The following RYR1 variants were observed in gnomAD, a reference collection of about 807,000 sequenced individuals.
RYR1 encodes central core disease of muscle.
Under a neutral mutation model 583.5 loss-of-function variants are expected in RYR1, and 342 were observed. The ratio of observed to expected loss-of-function variants is 0.59; its 90% CI spans 0.54 to 0.64. The LOEUF is 0.64. Ranked by LOEUF, RYR1 falls within the 30% of genes least tolerant of loss-of-function variation. RYR1 has a pLI of 0.00. For missense variants in RYR1, 6,032 were observed against 6,917.2 expected, an observed-to-expected ratio of 0.87 and a Z score of 4.54; for synonymous variants, 2,791 against 2,822.5, an observed-to-expected ratio of 0.99 and a Z score of 0.35.
intron 18 of RYR1, among the ~76,000 whole-genome samples, 171 bp downstream of exon 18, chr19:38,458,463 G>A (rs139986946): frequency 3.0e-4 from 45 of 152,090 alleles, no homozygotes; most frequent in African/African-American, 1.0e-3. Context: ...CTAGATTCCC[G>A]GCTCTGACTT....
At chr19:38,537,103 C>G (rs550133547) in intron 83 of RYR1, 132 of 449,914 alleles carry the variant, frequency 2.9e-4, no homozygotes, top group Non-Finnish European at 4.3e-4. Context: ...TTCGCAGTCC[C>G]GGTGTGGAGT....
rs956750749 is a variant in RYR1, at chr19:38,473,638, G to A, written c.4027G>A (p.Glu1343Lys). Residue 1343 changes from glutamate (E) to lysine (K), a missense_variant, in exon 28 of 106, where the codon GAG (glutamate) becomes AAG (lysine). By Grantham distance (56) the Glu-to-Lys change is moderately conservative. Coordinates refer to ENST00000359596, the MANE Select transcript of RYR1 (RefSeq NM_000540.3). ...NLRRSAGGWS[E>K]AENGKEGTAK... ...GCGCCGCTCAGCTGGGGGCTGGAGCGAGGCAGAGAACGGCAAAGAAGGGAC... is the reference window on the plus strand; with the variant it reads ...GCGCCGCTCAGCTGGGGGCTGGAGCAAGGCAGAGAACGGCAAAGAAGGGAC... 32 of 1,560,202 alleles carry A rather than the reference G, an allele frequency of 2.1e-5. No individual in the cohort carries two copies. Among genetic ancestry groups the A allele is most frequent in the Non-Finnish European group, 2.6e-5 (30 of 1,152,252 alleles).
chr19:38,565,380 G>GGGCGGC lies in RYR1; in HGVS notation c.13052_13057dup (p.Ala4351_Ala4352dup), dbSNP rs1271736045. 1 of 1,347,694 alleles carries GGGCGGC rather than the reference G, an allele frequency of 7.4e-7. No homozygotes were observed. Among genetic ancestry groups the GGGCGGC allele is most frequent in the Non-Finnish European group, 9.4e-7 (1 of 1,059,004 alleles). 83.5% of individuals were successfully genotyped at this position (1,347,694 alleles called of 1,614,324 possible). On this transcript the variant is annotated inframe_insertion, in exon 91 of 106. Transcript: ENST00000359596. This position sits in a 1 kb window ranked among gnomAD's most constrained non-coding sequence, Gnocchi z 4.7. ...ACGCGCGCTGGGGCCGCTGGCGCGG[G>GGGCGGC]GGCGGCGGCGGGCGCGCTGGGCCTG... is the stretch of plus-strand genomic sequence containing the variant.
At chr19:38,551,027 T>TC in intron 89 of RYR1, among the ~76,000 whole-genome samples, 4 of 41,016 alleles carry the variant, frequency 9.8e-5, no homozygotes, top group African/African-American at 6.0e-4. Context: ...ATTCACGGCT[T>TC]TTTTTTTTTT....
intron 49 of RYR1, 112 bp downstream of exon 49, chr19:38,503,082 C>CCCTA: frequency 2.0e-6 from 2 of 1,005,388 alleles, no homozygotes; most frequent in Non-Finnish European, 3.1e-6. Flanking sequence ...AATAAACCTG[C>CCCTA]ACTAGTTAGG....
chr19:38,547,372 CA>C (rs1279229125), intron 88 of RYR1, among the ~76,000 whole-genome samples: 1 of 151,832 alleles, frequency 6.6e-6, no homozygotes, highest in African/African-American at 2.4e-5. Flanking sequence ...TTAAAAATTA[CA>C]AAAATAAACT....
rs554595549 is a variant in RYR1, at chr19:38,478,045, C to A, written c.4454+175C>A. Among the ~76,000 whole-genome samples the A allele has an allele frequency of 1.5e-4, 23 of 151,862 alleles. No individual in the cohort carries two copies. In the South Asian group the frequency reaches 4.2e-3, roughly 27 times the overall value. ...GGAAGCTTCCCTCCTCCTCTTTTTC[C>A]TCCTCTCTTCCTGCCCTGGTATTTT... is the stretch of plus-strand genomic sequence containing the variant. On this transcript the variant is annotated intron_variant, in intron 30 of 105. Coordinates refer to ENST00000359596, the MANE Select transcript of RYR1 (RefSeq NM_000540.3).
At chr19:38,474,669 G>A (rs1475998719) in intron 28 of RYR1, among the ~76,000 whole-genome samples, 2 of 148,098 alleles carry the variant, frequency 1.4e-5, no homozygotes, top group African/African-American at 5.1e-5. Flanking sequence ...CCGCCTCCTG[G>A]GTTCAAGCAA....
At chr19:38,586,248 C>A in intron 104 of RYR1, 57 bp downstream of exon 104, 2 of 1,474,916 alleles carry the variant, frequency 1.4e-6, no homozygotes, top group Non-Finnish European at 1.9e-6. Context: ...CAATAGCCAG[C>A]AGTGGGGTAC....
chr19:38,494,541 T>C lies in RYR1; in HGVS notation c.6464T>C (p.Leu2155Pro). ...TCCTCCGTGGAAGACACCATGAGCCTGCTCGAGTGCCTCGGCCAGATCCGC... is the reference window on the plus strand; with the variant it reads ...TCCTCCGTGGAAGACACCATGAGCCCGCTCGAGTGCCTCGGCCAGATCCGC... Reference protein sequence around the residue: ...SPSSVEDTMSLLECLGQIRSL... With the variant: ...SPSSVEDTMSPLECLGQIRSL... The change falls in exon 39 of 106, where the codon CTG (leucine) becomes CCG (proline). Residue 2155 changes from leucine (L) to proline (P), a missense_variant. Around this residue, in one of 11 missense-constraint regions of RYR1, gnomAD observed 2,627 missense variants for 2,961.3 expected, o/e 0.89. Transcript: ENST00000359596. The C allele has an allele frequency of 6.2e-7, 1 of 1,614,080 alleles. No homozygotes were observed. Among genetic ancestry groups the C allele is most frequent in the South Asian group, 1.1e-5 (1 of 91,088 alleles).
At position 38,440,778 on chromosome 19, in the gene RYR1, G is replaced by A. The variant is rs143481004; in HGVS notation, c.79G>A (p.Val27Met). The change falls in exon 2 of 106, where the codon GTG becomes ATG. Residue 27 changes from valine (V) to methionine (M), a missense_variant. By Grantham distance (21) the Val-to-Met change is conservative. This residue lies in a region of RYR1 where 71 missense variants were observed against 75.3 expected (regional missense o/e 0.94). Transcript: ENST00000359596. The part of the protein sequence containing the change: ...DEVVLQCSAT[V>M]LKEQLKLCLA... ...GGTGGTCCTGCAGTGCAGCGCTACC[G>A]TGCTCAAGGAGCAGCTCAAGCTCTG... 5.9e-5 allele frequency: 95 copies of A among 1,609,084 alleles called. No individual in the cohort carries two copies. The African/African-American group carries it at 1.0e-3, about 17-fold the overall frequency.
intron 83 of RYR1, 139 bp from the exon 84 acceptor site, chr19:38,537,741 C>G (rs1011219103): frequency 8.4e-6 from 7 of 836,886 alleles, no homozygotes; most frequent in African/African-American, 1.7e-5. Context: ...CTCACAGTGT[C>G]TTTGGAGTGG....
Position 38,526,218 on chromosome 19 carries a change from G to A in RYR1, c.10626+716G>A, listed in dbSNP as rs562297590. 6.6e-5 allele frequency among the ~76,000 whole-genome samples: 10 copies of A among 151,608 alleles called. No individual in the cohort carries two copies. The East Asian group carries it at 9.8e-4, about 15-fold the overall frequency. On this transcript the variant is annotated intron_variant, in intron 71 of 105. Coordinates refer to ENST00000359596, the MANE Select transcript of RYR1 (RefSeq NM_000540.3). ...TGCTGGGATATCAAGGAGGCCTCCCGGGACCCCACTTACCCCTTGTGTGGG... is the reference window on the plus strand; with the variant it reads ...TGCTGGGATATCAAGGAGGCCTCCCAGGACCCCACTTACCCCTTGTGTGGG...
chr19:38,477,570 G>A (rs1600742885), intron 29 of RYR1, 140 bp from the exon 30 acceptor site: 1 of 946,848 alleles, frequency 1.1e-6, no homozygotes, highest in South Asian at 1.4e-5. Flanking sequence ...ACATAACCAG[G>A]GGGTGGGGGA....
At position 38,587,535 on chromosome 19, in the gene RYR1, G is replaced by C. The variant is rs1298427889; in HGVS notation, c.*115G>C. 3 of 829,588 alleles carry C rather than the reference G, an allele frequency of 3.6e-6. No individual in the cohort carries two copies. Among genetic ancestry groups the C allele is most frequent in the Non-Finnish European group, 6.2e-6 (3 of 486,004 alleles). The allele number at this position is 829,588 out of a possible 1,614,324, so 51.4% of individuals were successfully genotyped here. On this transcript the variant is annotated 3_prime_UTR_variant, in exon 106 of 106. Coordinates refer to ENST00000359596, the MANE Select transcript of RYR1 (RefSeq NM_000540.3). Reference sequence around the variant, plus strand: ...CTGGGGGAGAGGTGACCTAGTACTGGAAAATAAATCTGTGCTACGCCCCCC... The same window carrying C: ...CTGGGGGAGAGGTGACCTAGTACTGCAAAATAAATCTGTGCTACGCCCCCC...
chr19:38,481,901 A>G (rs1194128314), intron 31 of RYR1, among the ~76,000 whole-genome samples: 1 of 152,160 alleles, frequency 6.6e-6, no homozygotes, highest in Non-Finnish European at 1.5e-5. Context: ...CAGCCTGACC[A>G]ACATGGTGAA....
At chr19:38,460,613 T>A in intron 20 of RYR1, 22 bp downstream of exon 20, 1 of 1,600,714 alleles carries the variant, frequency 6.2e-7, no homozygotes, top group Admixed American at 1.7e-5. Flanking sequence ...CCTGCAAAGG[T>A]TTTCTGGCGA....
intron 47 of RYR1, among the ~76,000 whole-genome samples, chr19:38,501,883 G>A (rs1970137543): frequency 6.6e-6 from 1 of 152,200 alleles, no homozygotes; most frequent in South Asian, 2.1e-4. Flanking sequence ...CTACTAGAGA[G>A]GCTGAGGTGG....
chr19:38,543,417 C>T lies in RYR1; in HGVS notation c.11760C>T (p.Asp3920=). 6.2e-7 allele frequency: 1 copy of T among 1,614,214 alleles called. No homozygotes were observed. Residue 3920 remains aspartate (D), a synonymous_variant, in exon 85 of 106, where the codon GAC becomes GAT. Transcript: ENST00000359596. This position sits in a 1 kb window ranked among gnomAD's most constrained non-coding sequence, Gnocchi z 4.4. ...TTINIIICTV[D]YLLRLQESIS... is the part of the protein sequence containing the mutation. ...TTAACATCATCATTTGCACTGTGGA[C>T]TACCTCCTGCGGCTGCAGGTGAGGA...
Sources: gnomAD v4.1 joint callset for allele counts (sites outside exome capture counted in the v4.1 genomes callset) on GRCh38, gnomAD v4.1.1 for gene constraint, gnomAD v4.1.1 regional missense constraint, Gnocchi (gnomAD v3.1) non-coding constraint, MANE v1.5 for transcripts, NCBI Gene and HGNC (gene_info 2026-07-23, HGNC 2026-07-21) for gene names.